DPP6: variants seen among roughly 807,000 people sequenced by gnomAD.
The protein encoded by DPP6 is dipeptidyl peptidase like 6.
A neutral mutation model predicts 122.6 loss-of-function variants in DPP6; 69 were observed. The ratio of observed to expected loss-of-function variants is 0.56; its 90% CI spans 0.46 to 0.69. The LOEUF (loss-of-function observed/expected upper bound fraction) is 0.69, where lower values mean the gene tolerates loss of function less well. Ranked by LOEUF, DPP6 falls within the 30% of genes least tolerant of loss-of-function variation. The probability of loss-of-function intolerance (pLI) is 0.00; values close to 1 mark genes in which losing one functional copy is unlikely to be tolerated. For missense variants in DPP6, 928 were observed against 1,116.9 expected (o/e 0.83, Z 2.41); for synonymous variants, 418 against 433.1 (o/e 0.97, Z 0.43).
intron 1 of DPP6, among the ~76,000 whole-genome samples, chr7:154,351,864 T>C (rs1451291369): frequency 1.3e-5 from 2 of 152,120 alleles, no homozygotes; most frequent in African/African-American, 2.4e-5. Flanking sequence ...GGCTACTGCA[T>C]GGCACCTCTG....
intron 5 of DPP6, among the ~76,000 whole-genome samples, chr7:154,594,866 T>C (rs10234076): frequency 0.59 from 90,054 of 151,968 alleles, 27,158 homozygotes; most frequent in African/African-American, 0.7. Context: ...TCCCTGTCTC[T>C]AGAGAGGCAG....
the DPP6 span, among the ~76,000 whole-genome samples, chr7:153,862,797 A>G: frequency 6.6e-6 from 1 of 152,174 alleles, no homozygotes; most frequent in Non-Finnish European, 1.5e-5. Flanking sequence ...AAATATATTT[A>G]TAAAAATTAT....
intron 10 of DPP6, among the ~76,000 whole-genome samples, chr7:154,789,432 C>T (rs985749797): frequency 6.6e-6 from 1 of 152,228 alleles, no homozygotes; most frequent in Non-Finnish European, 1.5e-5. Context: ...TCTGCGTTCT[C>T]ATGGCTGGGG....
intron 1 of DPP6, among the ~76,000 whole-genome samples, chr7:153,916,087 C>T (rs1303119691): frequency 1.3e-5 from 2 of 151,514 alleles, no homozygotes; most frequent in Non-Finnish European, 2.9e-5. Flanking sequence ...CTGCCTCAGC[C>T]TCCCGAGTAG....
intron 10 of DPP6, among the ~76,000 whole-genome samples, chr7:154,792,492 C>T (rs188418818): frequency 5.3e-4 from 81 of 152,394 alleles, no homozygotes; most frequent in Non-Finnish European, 9.0e-4. Context: ...ATGACCAAAT[C>T]CCATCATTAT....
the DPP6 span, among the ~76,000 whole-genome samples, chr7:153,848,098 G>C: frequency 6.6e-6 from 1 of 152,104 alleles, no homozygotes. Flanking sequence ...ATAGGGGACC[G>C]GGCCACTCAG....
At chr7:154,799,459 C>G (rs1280823436) in intron 12 of DPP6, among the ~76,000 whole-genome samples, 1 of 152,198 alleles carries the variant, frequency 6.6e-6, no homozygotes, top group Non-Finnish European at 1.5e-5. Flanking sequence ...TCTGCCAGAA[C>G]CATCTGCATT....
At chr7:153,764,163 A>G in the DPP6 span, among the ~76,000 whole-genome samples, 1 of 152,222 alleles carries the variant, frequency 6.6e-6, no homozygotes, top group Non-Finnish European at 1.5e-5. Flanking sequence ...CTAGTCTAAT[A>G]TAACATTATT....
intron 1 of DPP6, among the ~76,000 whole-genome samples, chr7:154,181,749 C>CT (rs57576340): frequency 0.045 from 6,016 of 134,860 alleles, 384 homozygotes; most frequent in African/African-American, 0.11. Context: ...GCATCTCCCT[C>CT]TTTTTTTTTT....
Position 154,804,927 on chromosome 7 carries a change from A to T in DPP6, c.1510A>T (p.Ser504Cys). 6.2e-7 allele frequency: 1 copy of T among 1,602,654 alleles called. No homozygotes were observed. Among genetic ancestry groups the T allele is most frequent in the Non-Finnish European group, 8.5e-7 (1 of 1,174,390 alleles). Reference protein sequence around the residue: ...DEKGNKIYFLSTEDLPRRRQL... With the variant: ...DEKGNKIYFLCTEDLPRRRQL... ...TGGTGATCTTTGCAGCTACTTCCTG[A>T]GCACGGAGGACCTGCCTCGGAGACG... The change falls in exon 15 of 26, where the codon AGC becomes TGC. Residue 504 changes from serine (S) to cysteine (C), a missense_variant. Coordinates refer to ENST00000377770, the MANE Select transcript of DPP6 (RefSeq NM_130797.4).
the DPP6 span, among the ~76,000 whole-genome samples, chr7:153,753,468 T>C: frequency 2.0e-5 from 3 of 151,626 alleles, no homozygotes; most frequent in African/African-American, 7.3e-5. Context: ...ATTCCTTTCC[T>C]AGCCATTTTT....
chr7:154,740,870 C>T (rs192915844), intron 8 of DPP6, among the ~76,000 whole-genome samples: 3 of 152,272 alleles, frequency 2.0e-5, no homozygotes, highest in East Asian at 1.9e-4. Context: ...CTTATCCCCA[C>T]GTGAAACCTA....
intron 1 of DPP6, among the ~76,000 whole-genome samples, chr7:154,083,272 G>A (rs950090747): frequency 6.6e-6 from 1 of 152,078 alleles, no homozygotes. Flanking sequence ...GGATGAGGAA[G>A]CCCTCCTTGC....
intron 1 of DPP6, among the ~76,000 whole-genome samples, chr7:154,322,355 C>G (rs1238215480): frequency 6.6e-6 from 1 of 152,180 alleles, no homozygotes; most frequent in Non-Finnish European, 1.5e-5. Flanking sequence ...CTCAGTTTGA[C>G]TAACTCTGCC....
chr7:154,242,282 C>T (rs146551609), intron 1 of DPP6, among the ~76,000 whole-genome samples: 9 of 152,266 alleles, frequency 5.9e-5, no homozygotes, highest in Admixed American at 3.9e-4. Context: ...ATACATCCAC[C>T]GTACTCCATA....
intron 1 of DPP6, among the ~76,000 whole-genome samples, chr7:153,987,236 G>A (rs1181204369): frequency 6.6e-6 from 1 of 152,170 alleles, no homozygotes; most frequent in Non-Finnish European, 1.5e-5. Context: ...ATAAATTGGT[G>A]TCATTGTTTG....
chr7:154,300,815 G>T (rs1314989106), intron 1 of DPP6, among the ~76,000 whole-genome samples: 1 of 152,174 alleles, frequency 6.6e-6, no homozygotes, highest in African/African-American at 2.4e-5. Flanking sequence ...CATTATTATG[G>T]GCTGTTGGGT....
the DPP6 span, among the ~76,000 whole-genome samples, chr7:153,764,222 G>A: frequency 3.4e-4 from 51 of 152,170 alleles, no homozygotes; most frequent in Admixed American, 1.5e-3. Context: ...CTGAGCTTGA[G>A]TGGCTGTGGG....
At chr7:154,409,595 T>C (rs1816421439) in intron 1 of DPP6, among the ~76,000 whole-genome samples, 1 of 152,254 alleles carries the variant, frequency 6.6e-6, no homozygotes, top group African/African-American at 2.4e-5. Flanking sequence ...GGTCTCCCTC[T>C]CATGTTGGTT....
Sources: gnomAD v4.1 joint callset for allele counts (sites outside exome capture counted in the v4.1 genomes callset) on GRCh38, gnomAD v4.1.1 for gene constraint, MANE v1.5 for transcripts, NCBI Gene and HGNC (gene_info 2026-07-23, HGNC 2026-07-21) for gene names.